NARS2: variants seen among roughly 807,000 people sequenced by gnomAD.
NARS2 encodes the protein asparaginyl-tRNA synthetase.
Under a neutral mutation model 62.9 loss-of-function variants are expected in NARS2, and 60 were observed. The ratio of observed to expected loss-of-function variants is 0.95; its 90% CI spans 0.77 to 1.18. The LOEUF is 1.18. Ranked by LOEUF, NARS2 falls within the 50% of genes most tolerant of loss-of-function variation. NARS2 has a pLI of 0.00. For missense variants in NARS2, 619 were observed against 576.4 expected (o/e 1.07, Z -0.76); for synonymous variants, 196 against 200.0 (o/e 0.98, Z 0.17).
At chr11:78,556,462 A>C (rs1856357917) in intron 5 of NARS2, among the ~76,000 whole-genome samples, 1 of 152,218 alleles carries the variant, frequency 6.6e-6, no homozygotes, top group Admixed American at 6.5e-5. Context: ...CCTTCTGAGA[A>C]GTCAGAAGAG....
rs1247664279 is a variant in NARS2, at chr11:78,467,557, A to AT, written c.1027-1545dup. ...TGTCTTTCAAAAAATAAATAAATAAATAAATAAATAAATTAATTAATTAAT... is the reference window on the plus strand; with the variant it reads ...TGTCTTTCAAAAAATAAATAAATAAATTAAATAAATAAATTAATTAATTAAT... On this transcript the variant is annotated intron_variant, in intron 10 of 13. Coordinates refer to ENST00000281038, the MANE Select transcript of NARS2 (RefSeq NM_024678.6). Among the ~76,000 whole-genome samples the AT allele has an allele frequency of 1.6e-4, 24 of 151,522 alleles. No individual in the cohort carries two copies. In the East Asian group the frequency reaches 4.6e-3, roughly 29 times the overall value.
In NARS2 at chr11:78,574,813, G is replaced by A. The variant is rs887799714; in HGVS notation, c.-325C>T. On this transcript the variant is annotated 5_prime_UTR_variant, in exon 1 of 14. Coordinates refer to ENST00000281038, the MANE Select transcript of NARS2 (RefSeq NM_024678.6). ...ACGAACAGAACCCGGGCCGCAACAC[G>A]CGCAACCACTCCTACCACACCACGC... 2.7e-5 allele frequency: 8 copies of A among 297,618 alleles called. No individual in the cohort carries two copies. Among genetic ancestry groups the A allele is most frequent in the Admixed American group, 4.8e-5 (1 of 21,048 alleles). 18.4% of individuals were successfully genotyped at this position (297,618 alleles called of 1,614,324 possible).
At chr11:78,488,877 T>C (rs1165719192) in intron 7 of NARS2, among the ~76,000 whole-genome samples, 2 of 151,958 alleles carry the variant, frequency 1.3e-5, no homozygotes, top group African/African-American at 4.8e-5. Flanking sequence ...CAACAAATGG[T>C]GCTGGAGCAA....
intron 7 of NARS2, among the ~76,000 whole-genome samples, chr11:78,483,125 C>A (rs984888719): frequency 6.6e-6 from 1 of 152,132 alleles, no homozygotes. Context: ...ATAAACAGAA[C>A]CAATGACAAA....
intron 2 of NARS2, among the ~76,000 whole-genome samples, chr11:78,569,517 A>G (rs1040542690): frequency 2.0e-5 from 3 of 152,214 alleles, no homozygotes; most frequent in Non-Finnish European, 4.4e-5. Context: ...CCTTCCTAAT[A>G]AACTATTGAA....
At chr11:78,507,504 G>C (rs1860547406) in intron 6 of NARS2, among the ~76,000 whole-genome samples, 1 of 143,114 alleles carries the variant, frequency 7.0e-6, no homozygotes, top group African/African-American at 2.5e-5. Flanking sequence ...CAGATGCCCA[G>C]TTTTCATTTC....
chr11:78,442,216 T>C (rs1365521117), intron 12 of NARS2, among the ~76,000 whole-genome samples: 5 of 152,358 alleles, frequency 3.3e-5, no homozygotes, highest in African/African-American at 1.2e-4. Context: ...GTGATTTTTA[T>C]TGTGCTTTTT....
At chr11:78,515,610 T>C (rs1860877628) in intron 6 of NARS2, among the ~76,000 whole-genome samples, 1 of 151,938 alleles carries the variant, frequency 6.6e-6, no homozygotes, top group Non-Finnish European at 1.5e-5. Flanking sequence ...CCTTGAATCC[T>C]GGGCTCAAGC....
chr11:78,559,983 A>G (rs1856502258), intron 4 of NARS2, among the ~76,000 whole-genome samples: 1 of 152,120 alleles, frequency 6.6e-6, no homozygotes, highest in Admixed American at 6.5e-5. Context: ...TTCTCTTCCC[A>G]TTTCTCTAAC....
At chr11:78,467,521 CAG>C (rs1157945173) in intron 10 of NARS2, among the ~76,000 whole-genome samples, 4 of 151,628 alleles carry the variant, frequency 2.6e-5, no homozygotes, top group Non-Finnish European at 4.4e-5. Flanking sequence ...CTCGGCAACA[CAG>C]AGAGATCTTG....
At chr11:78,482,416 T>C (rs1001957253) in intron 7 of NARS2, among the ~76,000 whole-genome samples, 3 of 150,426 alleles carry the variant, frequency 2.0e-5, no homozygotes, top group African/African-American at 4.9e-5. Flanking sequence ...CTGAAGGAAA[T>C]AGAGACACAA....
intron 11 of NARS2, among the ~76,000 whole-genome samples, chr11:78,458,799 G>A (rs1477319548): frequency 6.6e-6 from 1 of 152,182 alleles, no homozygotes; most frequent in Non-Finnish European, 1.5e-5. Context: ...ATCTCATCTT[G>A]AATTGTACTT....
chr11:78,502,991 C>CAAAAAAAAAAAAAAAA (rs550751384), intron 6 of NARS2, among the ~76,000 whole-genome samples: 5 of 82,950 alleles, frequency 6.0e-5, no homozygotes, highest in African/African-American at 3.2e-4. Context: ...GAGACTGTCT[C>CAAAAAAAAAAAAAAAA]AAAAAAAAAA....
intron 6 of NARS2, among the ~76,000 whole-genome samples, chr11:78,527,744 C>T (rs1861341574): frequency 1.3e-5 from 2 of 152,028 alleles, no homozygotes; most frequent in South Asian, 4.2e-4. Context: ...GTCCTAATCT[C>T]TATAATGAGA....
intron 5 of NARS2, among the ~76,000 whole-genome samples, chr11:78,548,819 AT>A (rs1315432001): frequency 6.6e-6 from 1 of 152,200 alleles, no homozygotes; most frequent in African/African-American, 2.4e-5. Context: ...TAATCCAACC[AT>A]TTAAAGTCTC....
intron 6 of NARS2, among the ~76,000 whole-genome samples, chr11:78,505,060 TAA>T (rs1234952046): frequency 2.1e-5 from 3 of 140,698 alleles, no homozygotes; most frequent in African/African-American, 5.2e-5. Flanking sequence ...AATTTTGACT[TAA>T]AAAAAAAAAA....
rs1227113054 is a variant in NARS2 at position 78,502,313 on chromosome 11, T to C, written c.690-9118A>G. On this transcript the variant is annotated intron_variant, in intron 6 of 13. Transcript: ENST00000281038. ...AAGTGACAGCAGGGTTGGTTTCTGG[T>C]GAAGCCTCTCTTTCTGGTTTGCTGA... is the stretch of plus-strand genomic sequence containing the variant. 2.0e-5 allele frequency among the ~76,000 whole-genome samples: 3 copies of C among 152,342 alleles called. No individual in the cohort carries two copies. The East Asian group carries it at 5.8e-4, about 29-fold the overall frequency.
chr11:78,467,923 T>C (rs1248483895), intron 10 of NARS2, among the ~76,000 whole-genome samples: 1 of 151,820 alleles, frequency 6.6e-6, no homozygotes, highest in Non-Finnish European at 1.5e-5. Context: ...CATGGCTCAC[T>C]GCAATTTTAA....
chr11:78,517,465 C>G (rs1860955994), intron 6 of NARS2, among the ~76,000 whole-genome samples: 1 of 152,202 alleles, frequency 6.6e-6, no homozygotes, highest in African/African-American at 2.4e-5. Flanking sequence ...TGACTACCAC[C>G]TCGTATTCAT....
Sources: allele counts gnomAD v4.1 joint callset (sites outside exome capture counted in the v4.1 genomes callset), GRCh38; gene constraint gnomAD v4.1.1; transcripts MANE v1.5; gene names NCBI Gene and HGNC (gene_info 2026-07-23, HGNC 2026-07-21).